RB1: variants seen among roughly 807,000 people sequenced by gnomAD.
RB1 encodes RB transcriptional corepressor 1, also known as retinoblastoma-associated protein.
In RB1, 18 loss-of-function variants were observed where a neutral mutation model predicts 135.4. The observed-to-expected ratio is 0.13, with a 90% CI of 0.09 to 0.20. The LOEUF is 0.20. RB1 is among the 10% of genes least tolerant of loss of function. RB1 has a pLI of 1.00. For synonymous variants in RB1, 365 were observed against 373.2 expected (o/e 0.98, Z 0.25); for missense variants, 868 against 1,110.0 (o/e 0.78, Z 3.10).
At chr13:48,407,264 C>T (rs1009381078) in intron 17 of RB1, among the ~76,000 whole-genome samples, 2 of 152,164 alleles carry the variant, frequency 1.3e-5, no homozygotes, top group African/African-American at 4.8e-5. Context: ...GGGGCTCTAT[C>T]TTTTGAATTC....
intron 4 of RB1, among the ~76,000 whole-genome samples, chr13:48,346,187 A>T (rs888798616): frequency 6.7e-6 from 1 of 149,774 alleles, no homozygotes. Context: ...ATTAATGGAG[A>T]TAAATTATCT....
chr13:48,460,842 T>G (rs1367444090), intron 20 of RB1, among the ~76,000 whole-genome samples: 2 of 152,090 alleles, frequency 1.3e-5, no homozygotes, highest in Non-Finnish European at 1.5e-5. Flanking sequence ...GCACCTGTGG[T>G]CCCAGCTACT....
rs3092887 is a variant in RB1 at position 48,377,102 on chromosome 13, T to A, written c.1332+68T>A. ...ATATTAAAAGCAGCATCTTTCCAGT[T>A]CGTATAAATACTCTAACAGTATTTG... On this transcript the variant is annotated intron_variant, in intron 13 of 26. Transcript: ENST00000267163. 92 of 1,456,404 alleles carry A rather than the reference T, an allele frequency of 6.3e-5. No individual in the cohort carries two copies. The African/African-American group carries it at 1.1e-3, about 17-fold the overall frequency. The allele number at this position is 1,456,404 out of a possible 1,614,324, so 90.2% of individuals were successfully genotyped here.
chr13:48,362,492 C>CT (rs148037416), intron 7 of RB1, among the ~76,000 whole-genome samples: 8 of 151,814 alleles, frequency 5.3e-5, no homozygotes, highest in Admixed American at 2.6e-4. Flanking sequence ...GGACAGAAAA[C>CT]TTTTTTTTCC....
At chr13:48,368,676 C>T in intron 11 of RB1, 72 bp downstream of exon 11, 1 of 1,557,848 alleles carries the variant, frequency 6.4e-7, no homozygotes, top group East Asian at 2.4e-5. Flanking sequence ...CAGATTTGTT[C>T]ACGTTTCTTT....
In RB1 at chr13:48,459,885, G is replaced by GATTC. The variant is rs1555294125; in HGVS notation, c.2106+53_2106+56dup. On this transcript the variant is annotated intron_variant, in intron 20 of 26. Transcript: ENST00000267163. The stretch of plus-strand genomic sequence containing the variant: ...TCTCCTCCCTACTTACTTGTTAACT[G>GATTC]ATTCTTTCTTTCTTTCTTTCTTTCT... 21 of 830,588 alleles carry GATTC rather than the reference G, an allele frequency of 2.5e-5. 3 individuals carry two copies. The African/African-American group carries it at 6.1e-4, about 24-fold the overall frequency. The allele number at this position is 830,588 out of a possible 1,614,324, so 51.5% of individuals were successfully genotyped here.
At chr13:48,324,112 T>C (rs1201458539) in intron 2 of RB1, among the ~76,000 whole-genome samples, 5 of 152,118 alleles carry the variant, frequency 3.3e-5, no homozygotes, top group African/African-American at 1.2e-4. Flanking sequence ...ATACATGTGA[T>C]GTTTTGATAC....
At chr13:48,401,040 T>A (rs1418739355) in intron 17 of RB1, among the ~76,000 whole-genome samples, 1 of 152,128 alleles carries the variant, frequency 6.6e-6, no homozygotes, top group Non-Finnish European at 1.5e-5. Flanking sequence ...GTGTTCACTG[T>A]TATATTACAG....
intron 2 of RB1, among the ~76,000 whole-genome samples, chr13:48,315,310 T>C (rs960704970): frequency 1.3e-5 from 2 of 152,326 alleles, no homozygotes; most frequent in Admixed American, 6.5e-5. Context: ...TGTGAGTGGG[T>C]TGCATTCTTG....
chr13:48,446,273 T>C (rs1949286833), intron 17 of RB1, among the ~76,000 whole-genome samples: 1 of 152,110 alleles, frequency 6.6e-6, no homozygotes, highest in South Asian at 2.1e-4. Context: ...TTAAATCTTA[T>C]TCTCACTTTG....
chr13:48,374,897 T>C (rs1468464534), intron 12 of RB1, among the ~76,000 whole-genome samples: 1 of 152,168 alleles, frequency 6.6e-6, no homozygotes, highest in Non-Finnish European at 1.5e-5. Context: ...CCAGTGTCTA[T>C]TGCTGCCATC....
intron 2 of RB1, among the ~76,000 whole-genome samples, chr13:48,339,446 C>G (rs955573805): frequency 9.8e-5 from 15 of 152,344 alleles, no homozygotes; most frequent in African/African-American, 2.9e-4. Flanking sequence ...ATGAGCGAGG[C>G]TCCGTGGGTG....
chr13:48,434,099 A>T (rs895501912), intron 17 of RB1, among the ~76,000 whole-genome samples: 4 of 152,126 alleles, frequency 2.6e-5, no homozygotes, highest in Non-Finnish European at 4.4e-5. Flanking sequence ...TTCTCCAATC[A>T]TAATAGCTTT....
intron 3 of RB1, 50 bp from the exon 4 acceptor site, chr13:48,345,030 A>G (rs376166040): frequency 5.1e-6 from 8 of 1,577,864 alleles, no homozygotes; most frequent in Non-Finnish European, 6.1e-6. Flanking sequence ...ACGAAATAAC[A>G]CAAATTTTTA....
chr13:48,411,988 C>T lies in RB1; in HGVS notation c.1695+30545C>T, dbSNP rs121434308. On this transcript the variant is annotated intron_variant, in intron 17 of 26. Transcript: ENST00000267163. ...ACAAAAACGGCGGGTGCACTTCCTC[C>T]GATCACAGTTAACCACACGCCAGTG... The T allele has an allele frequency of 6.9e-6, 11 of 1,604,734 alleles. 1 individual carries two copies. The highest frequency in any genetic ancestry group is 3.3e-5 in the South Asian group (3 of 90,050).
intron 2 of RB1, among the ~76,000 whole-genome samples, chr13:48,338,186 TG>T (rs1292235991): frequency 1.3e-5 from 2 of 152,184 alleles, no homozygotes; most frequent in African/African-American, 2.4e-5. Flanking sequence ...GGAGTATCTT[TG>T]TGGCATTCTC....
In RB1 at chr13:48,418,065, A is replaced by G. The variant is rs947590752; in HGVS notation, c.1696-34928A>G. Among the ~76,000 whole-genome samples the G allele has an allele frequency of 2.0e-5, 3 of 152,202 alleles. No homozygotes were observed. The East Asian group carries it at 5.8e-4, about 29-fold the overall frequency. On this transcript the variant is annotated intron_variant, in intron 17 of 26. Coordinates refer to ENST00000267163, the MANE Select transcript of RB1 (RefSeq NM_000321.3). ...GATACTCCTCAAGAAGAGCAACCCC[A>G]AGACACATAATCGTCAGATTCACCA...
intron 2 of RB1, among the ~76,000 whole-genome samples, chr13:48,316,323 C>T (rs868384094): frequency 1.3e-5 from 2 of 152,208 alleles, no homozygotes; most frequent in Non-Finnish European, 1.5e-5. Context: ...AGCTTCCCGA[C>T]GGACACTTTG....
chr13:48,471,811 T>G (rs949976931), intron 23 of RB1, among the ~76,000 whole-genome samples: 4 of 152,182 alleles, frequency 2.6e-5, no homozygotes, highest in African/African-American at 9.7e-5. Context: ...TCCTGTGGAT[T>G]TTTTTCCTTT....
Sources: allele counts gnomAD v4.1 joint callset (sites outside exome capture counted in the v4.1 genomes callset), GRCh38; gene constraint gnomAD v4.1.1; transcripts MANE v1.5; gene names NCBI Gene and HGNC (gene_info 2026-07-23, HGNC 2026-07-21).